Variants in MAEA observed in about 807,000 individuals in gnomAD.
MAEA encodes E3 ubiquitin-protein transferase MAEA.
In MAEA, 22 loss-of-function variants were observed where a neutral mutation model predicts 46.2. The ratio of observed to expected loss-of-function variants is 0.48; its 90% CI spans 0.34 to 0.68. MAEA has a LOEUF of 0.68. MAEA is among the 30% of genes least tolerant of loss of function. MAEA has a pLI of 0.01. For synonymous variants in MAEA, 246 were observed against 222.6 expected (o/e 1.11, Z -0.94); for missense variants, 393 against 558.1 (o/e 0.70, Z 2.98).
At chr4:1,326,189 C>T (rs1738790783) in intron 4 of MAEA, among the ~76,000 whole-genome samples, 1 of 152,190 alleles carries the variant, frequency 6.6e-6, no homozygotes, top group Admixed American at 6.5e-5. Flanking sequence ...GTGGGGAAAG[C>T]TCTGGGAAGC....
rs937935710 is a variant in MAEA at position 1,328,644 on chromosome 4, G to T, written c.656+941G>T. Reference sequence around the variant, plus strand: ...CATATCCACCTGCAGTGGGCCGGGTGGCCGAGTGTTCCACAGAAGGCCCAT... The same window carrying T: ...CATATCCACCTGCAGTGGGCCGGGTTGCCGAGTGTTCCACAGAAGGCCCAT... On this transcript the variant is annotated intron_variant, in intron 5 of 8. Coordinates refer to ENST00000303400, the MANE Select transcript of MAEA (RefSeq NM_001017405.3). 2.4e-6 allele frequency: 3 copies of T among 1,273,756 alleles called. No individual in the cohort carries two copies. The Admixed American group carries it at 7.3e-5, about 31-fold the overall frequency. The allele number at this position is 1,273,756 out of a possible 1,614,324, so 78.9% of individuals were successfully genotyped here.
intron 1 of MAEA, among the ~76,000 whole-genome samples, chr4:1,297,036 GTC>G (rs1734800035): frequency 2.0e-5 from 3 of 152,172 alleles, no homozygotes; most frequent in African/African-American, 7.2e-5. Context: ...ATCCCGTGTA[GTC>G]ACCTCCCGGA....
intron 6 of MAEA, chr4:1,335,377 A>G: frequency 1.0e-6 from 1 of 985,510 alleles, no homozygotes; most frequent in Non-Finnish European, 1.2e-6. Flanking sequence ...AGTGTAGCAG[A>G]GTTAAGTCAG....
intron 3 of MAEA, among the ~76,000 whole-genome samples, chr4:1,316,123 T>C (rs1449193141): frequency 2.0e-5 from 3 of 152,132 alleles, no homozygotes; most frequent in Non-Finnish European, 4.4e-5. Context: ...CGCTGACACA[T>C]GCTCCATTGC....
intron 1 of MAEA, chr4:1,309,798 G>A: frequency 7.1e-7 from 1 of 1,407,970 alleles, no homozygotes; most frequent in Non-Finnish European, 9.3e-7. Flanking sequence ...TGCACTGGGA[G>A]CAAAGGGTTC....
chr4:1,307,115 AT>A (rs1162055698), intron 1 of MAEA, among the ~76,000 whole-genome samples: 1 of 152,204 alleles, frequency 6.6e-6, no homozygotes, highest in Non-Finnish European at 1.5e-5. Context: ...ATTCATTAGA[AT>A]TTTTGTTAAC....
intron 2 of MAEA, among the ~76,000 whole-genome samples, chr4:1,314,040 G>A (rs754589113): frequency 5.9e-5 from 9 of 151,992 alleles, no homozygotes; most frequent in Non-Finnish European, 1.0e-4. Flanking sequence ...TCTTAAAAAA[G>A]TGATTGGGCA....
chr4:1,303,384 A>G (rs1407816067), intron 1 of MAEA, among the ~76,000 whole-genome samples: 2 of 126,962 alleles, frequency 1.6e-5, no homozygotes, highest in Non-Finnish European at 3.2e-5. Flanking sequence ...CCTGGGCGAC[A>G]GTGAGACTCT....
intron 3 of MAEA, among the ~76,000 whole-genome samples, chr4:1,317,229 C>T (rs1737384404): frequency 5.0e-5 from 5 of 100,408 alleles, no homozygotes; most frequent in Non-Finnish European, 9.3e-5. Context: ...TCACCCCAGC[C>T]CCCACACTCC....
intron 5 of MAEA, 71 bp downstream of exon 5, chr4:1,327,774 C>T (rs1739033593): frequency 7.3e-7 from 1 of 1,372,008 alleles, no homozygotes; most frequent in South Asian, 1.2e-5. Context: ...CCAGCCCTCC[C>T]TGTCGTGGTC....
At chr4:1,305,838 ACCCAGGAGAG>A (rs753688914) in intron 1 of MAEA, among the ~76,000 whole-genome samples, 1 of 152,184 alleles carries the variant, frequency 6.6e-6, no homozygotes, top group Non-Finnish European at 1.5e-5. Context: ...CGAGCCGGAG[ACCCAGGAGAG>A]CTGAAATGTA....
intron 5 of MAEA, chr4:1,330,798 A>G (rs1711674319): frequency 6.6e-6 from 1 of 152,042 alleles, no homozygotes; most frequent in African/African-American, 2.4e-5. Flanking sequence ...TTGGGGCTGA[A>G]TGCTGGCATC....
Position 1,320,532 on chromosome 4 carries a change from A to G in MAEA, c.457-1849A>G, listed in dbSNP as rs560086828. ...AGAAAACGCTATGAAGGGGCTTCAG[A>G]AAAGAAATCATCAAAGCAAACCTGC... On this transcript the variant is annotated intron_variant, in intron 3 of 8. Transcript: ENST00000303400. Among the ~76,000 whole-genome samples the G allele has an allele frequency of 3.0e-4, 46 of 151,602 alleles. 1 individual carries two copies. The South Asian group carries it at 8.2e-3, about 27-fold the overall frequency.
intron 2 of MAEA, among the ~76,000 whole-genome samples, chr4:1,314,884 A>G (rs1736939353): frequency 6.6e-6 from 1 of 152,196 alleles, no homozygotes; most frequent in Non-Finnish European, 1.5e-5. Context: ...GTGTGCTGTC[A>G]AATTTTTAGC....
intron 5 of MAEA, chr4:1,330,491 A>AT (rs59365533): frequency 6.6e-6 from 1 of 150,910 alleles, no homozygotes; most frequent in Non-Finnish European, 1.5e-5. Context: ...TAATTTTTGT[A>AT]TTTTTAGTAG....
At chr4:1,313,123 C>T (rs1028549509) in intron 2 of MAEA, among the ~76,000 whole-genome samples, 5 of 152,228 alleles carry the variant, frequency 3.3e-5, no homozygotes, top group African/African-American at 7.2e-5. Flanking sequence ...TTGCAGCCTA[C>T]GTTCAGAGGA....
At chr4:1,328,228 G>T (rs183631013) in intron 5 of MAEA, among the ~76,000 whole-genome samples, 2 of 152,342 alleles carry the variant, frequency 1.3e-5, no homozygotes, top group Admixed American at 1.3e-4. Context: ...GGCCAGCGGC[G>T]CCCTGGTGGT....
At position 1,300,632 on chromosome 4, in the gene MAEA, G is replaced by A. The variant is rs889192665; in HGVS notation, c.69+10650G>A. ...GGGCTGCGTGGCGTGCGTGTGTGCC[G>A]CTGCCGCAGGTCGCATACCCTTTCC... On this transcript the variant is annotated intron_variant, in intron 1 of 8. Transcript: ENST00000303400. 6.6e-5 allele frequency among the ~76,000 whole-genome samples: 10 copies of A among 152,248 alleles called. No homozygotes were observed. In the East Asian group the frequency reaches 1.5e-3, roughly 23 times the overall value.
chr4:1,300,023 T>C (rs760549485), intron 1 of MAEA: 1 of 152,160 alleles, frequency 6.6e-6, no homozygotes, highest in Non-Finnish European at 1.5e-5. Context: ...CAGTAAGAAT[T>C]GAAATAGAAG....
Sources: allele counts gnomAD v4.1 joint callset (sites outside exome capture counted in the v4.1 genomes callset), GRCh38; gene constraint gnomAD v4.1.1; transcripts MANE v1.5; gene names NCBI Gene and HGNC (gene_info 2026-07-23, HGNC 2026-07-21).